The following PIP5K1B variants were observed in gnomAD, a reference collection of about 807,000 sequenced individuals.
PIP5K1B encodes the protein phosphatidylinositol-4-phosphate 5-kinase type 1 beta.
In PIP5K1B, 42 loss-of-function variants were observed where a neutral mutation model predicts 67.0. The observed-to-expected ratio is 0.63, with a 90% CI of 0.49 to 0.81. The LOEUF is 0.81. Among genes scored for constraint, PIP5K1B ranks in the 30% least tolerant of loss-of-function variants. PIP5K1B has a pLI of 0.00. For synonymous variants in PIP5K1B, 214 were observed against 231.4 expected (o/e 0.92, Z 0.68); for missense variants, 459 against 646.3 (o/e 0.71, Z 3.14).
chr9:68,911,563 G>A (rs1299661956), intron 8 of PIP5K1B, among the ~76,000 whole-genome samples: 1 of 152,014 alleles, frequency 6.6e-6, no homozygotes, highest in East Asian at 1.9e-4. Context: ...CTGCTTTGGA[G>A]TGAGGTAAGA....
At position 68,895,120 on chromosome 9, in the gene PIP5K1B, G is replaced by A. The variant is rs534132359; in HGVS notation, c.771+482G>A. Among the ~76,000 whole-genome samples, 150 of 152,198 alleles carry A rather than the reference G, an allele frequency of 9.9e-4. 1 individual carries two copies. The highest frequency in any genetic ancestry group is 3.4e-3 in the Middle Eastern group (1 of 294). On this transcript the variant is annotated intron_variant, in intron 8 of 15. Coordinates refer to ENST00000265382, the MANE Select transcript of PIP5K1B (RefSeq NM_003558.4). ...TGGATGCAAAACTATGATATGAGCA[G>A]CACGTTTGCTGAAATTATTTTATGT... is the stretch of plus-strand genomic sequence containing the variant.
At chr9:68,933,137 C>A (rs1827085365) in intron 12 of PIP5K1B, among the ~76,000 whole-genome samples, 1 of 151,276 alleles carries the variant, frequency 6.6e-6, no homozygotes, top group Non-Finnish European at 1.5e-5. Flanking sequence ...TTTTAAAATA[C>A]TATATTGAAA....
chr9:68,963,320 T>G (rs1004937804), intron 14 of PIP5K1B: 7 of 433,736 alleles, frequency 1.6e-5, no homozygotes, highest in Admixed American at 2.5e-5. Flanking sequence ...CTGGGCAATA[T>G]GGTGAAACCC....
At chr9:68,727,038 G>A (rs191620236) in intron 1 of PIP5K1B, among the ~76,000 whole-genome samples, 234 of 152,016 alleles carry the variant, frequency 1.5e-3, no homozygotes, top group African/African-American at 5.3e-3. Flanking sequence ...GTCTATGAAT[G>A]AAGATAGTTT....
intron 4 of PIP5K1B, among the ~76,000 whole-genome samples, chr9:68,861,913 T>TC (rs1823100510): frequency 6.6e-6 from 1 of 151,774 alleles, no homozygotes; most frequent in Non-Finnish European, 1.5e-5. Flanking sequence ...TTTTTTTTTT[T>TC]TAAGAAACAC....
intron 6 of PIP5K1B, among the ~76,000 whole-genome samples, chr9:68,887,313 A>G (rs965697920): frequency 6.6e-6 from 1 of 152,228 alleles, no homozygotes; most frequent in African/African-American, 2.4e-5. Context: ...AAATACAGCA[A>G]TGAGTGGTAG....
intron 2 of PIP5K1B, among the ~76,000 whole-genome samples, chr9:68,768,458 C>A (rs1250009341): frequency 1.3e-5 from 2 of 152,186 alleles, no homozygotes; most frequent in African/African-American, 4.8e-5. Context: ...CTTTATGGAG[C>A]AGTGATCATC....
At chr9:68,861,608 A>G (rs1482696267) in intron 4 of PIP5K1B, among the ~76,000 whole-genome samples, 1 of 152,208 alleles carries the variant, frequency 6.6e-6, no homozygotes, top group Non-Finnish European at 1.5e-5. Flanking sequence ...CGGGGGCTGC[A>G]GAGCACTTGG....
chr9:68,982,912 C>T (rs1156908030), intron 14 of PIP5K1B, among the ~76,000 whole-genome samples: 1 of 152,012 alleles, frequency 6.6e-6, no homozygotes, highest in East Asian at 1.9e-4. Flanking sequence ...TTTTTTAAGC[C>T]ACAATGGACA....
intron 4 of PIP5K1B, among the ~76,000 whole-genome samples, chr9:68,840,345 C>A (rs1014158591): frequency 1.3e-5 from 2 of 151,644 alleles, no homozygotes; most frequent in Non-Finnish European, 2.9e-5. Context: ...CCATTGCACT[C>A]CAGCCTGGGC....
At chr9:68,788,913 G>T in intron 2 of PIP5K1B, 2 of 275,586 alleles carry the variant, frequency 7.3e-6, no homozygotes, top group South Asian at 9.2e-5. Context: ...TCCATCAAGA[G>T]GGATGAAAGA....
At chr9:68,750,703 T>C (rs906457228) in intron 2 of PIP5K1B, among the ~76,000 whole-genome samples, 3 of 152,320 alleles carry the variant, frequency 2.0e-5, no homozygotes, top group South Asian at 2.1e-4. Flanking sequence ...AGAATACTTA[T>C]ATGCACAATA....
rs773433905 is a variant in PIP5K1B at position 69,007,661 on chromosome 9, T to G, written c.1621-786T>G. ...TCACTAGGTCAGGAGTTCAAGACCA[T>G]CCTGGCTAACACAGTGAAACCCCAT... On this transcript the variant is annotated intron_variant, in intron 15 of 15. Coordinates refer to ENST00000265382, the MANE Select transcript of PIP5K1B (RefSeq NM_003558.4). Among the ~76,000 whole-genome samples the G allele has an allele frequency of 5.3e-5, 8 of 152,198 alleles. No individual in the cohort carries two copies. In the East Asian group the frequency reaches 1.4e-3, roughly 26 times the overall value.
At chr9:68,863,084 T>C (rs762951053) in intron 4 of PIP5K1B, among the ~76,000 whole-genome samples, 6 of 152,206 alleles carry the variant, frequency 3.9e-5, no homozygotes, top group African/African-American at 1.2e-4. Flanking sequence ...CTGAGCATTA[T>C]TGACATTTTG....
At chr9:68,753,102 C>G (rs1285179257) in intron 2 of PIP5K1B, among the ~76,000 whole-genome samples, 2 of 151,656 alleles carry the variant, frequency 1.3e-5, no homozygotes, top group Non-Finnish European at 2.9e-5. Flanking sequence ...AAATGAATAG[C>G]CAGTTAACCA....
intron 6 of PIP5K1B, among the ~76,000 whole-genome samples, chr9:68,879,864 A>C (rs1424130598): frequency 6.6e-6 from 1 of 152,208 alleles, no homozygotes; most frequent in Non-Finnish European, 1.5e-5. Context: ...TAAAGTGATG[A>C]ATATGTGAGG....
chr9:68,751,483 T>C (rs1029824590), intron 2 of PIP5K1B, among the ~76,000 whole-genome samples: 3 of 152,184 alleles, frequency 2.0e-5, no homozygotes, highest in Admixed American at 2.0e-4. Context: ...TGTGCCAACT[T>C]TCACAAAGAT....
At chr9:68,868,520 G>C (rs895303065) in intron 5 of PIP5K1B, among the ~76,000 whole-genome samples, 1 of 152,222 alleles carries the variant, frequency 6.6e-6, no homozygotes, top group Non-Finnish European at 1.5e-5. Flanking sequence ...TTTTAACTCA[G>C]GGTTAGCTGG....
chr9:68,753,561 G>C (rs35193226), intron 2 of PIP5K1B, among the ~76,000 whole-genome samples: 1,275 of 103,528 alleles, frequency 0.012, 8 homozygotes, highest in Middle Eastern at 0.026. Context: ...GTCTCACACC[G>C]TCACCGAGGC....
Sources: allele counts gnomAD v4.1 joint callset (sites outside exome capture counted in the v4.1 genomes callset), GRCh38; gene constraint gnomAD v4.1.1; transcripts MANE v1.5; gene names NCBI Gene and HGNC (gene_info 2026-07-23, HGNC 2026-07-21).